Variants in ZBTB7C observed in about 807,000 individuals in gnomAD.
ZBTB7C encodes the protein zinc finger and BTB domain-containing protein 7C.
In ZBTB7C, 8 loss-of-function variants were observed where a neutral mutation model predicts 25.7. That is an observed-to-expected ratio of 0.31 (90% CI 0.18 to 0.56). The LOEUF is 0.56. Among genes scored for constraint, ZBTB7C ranks in the 20% least tolerant of loss-of-function variants. ZBTB7C has a pLI of 0.91. For synonymous variants in ZBTB7C, 394 were observed against 369.0 expected, an observed-to-expected ratio of 1.07 and a Z score of -0.78; for missense variants, 824 against 855.2, an observed-to-expected ratio of 0.96 and a Z score of 0.46.
intron 4 of ZBTB7C, among the ~76,000 whole-genome samples, chr18:48,032,433 T>G (rs1457332421): frequency 9.1e-5 from 11 of 121,270 alleles, no homozygotes; most frequent in African/African-American, 3.2e-4. Context: ...TTTTTTTTTT[T>G]TTTTTTTTTT....
intron 2 of ZBTB7C, among the ~76,000 whole-genome samples, chr18:48,248,714 C>T (rs1245988919): frequency 6.6e-6 from 1 of 151,874 alleles, no homozygotes; most frequent in African/African-American, 2.4e-5. Flanking sequence ...CCTGGTAACT[C>T]GATGTTGAAT....
intron 3 of ZBTB7C, among the ~76,000 whole-genome samples, chr18:48,043,234 G>C (rs567815713): frequency 3.9e-4 from 60 of 152,272 alleles, no homozygotes; most frequent in South Asian, 8.3e-4. Flanking sequence ...TTGAATTCTT[G>C]AGCATCTACC....
At chr18:48,326,334 G>A (rs2144882638) in intron 2 of ZBTB7C, among the ~76,000 whole-genome samples, 1 of 152,228 alleles carries the variant, frequency 6.6e-6, no homozygotes, top group South Asian at 2.1e-4. Flanking sequence ...GACCTCAAGT[G>A]ATCTGCCCGC....
intron 1 of ZBTB7C, among the ~76,000 whole-genome samples, chr18:48,382,446 T>C (rs934745454): frequency 6.6e-6 from 1 of 152,226 alleles, no homozygotes; most frequent in African/African-American, 2.4e-5. Flanking sequence ...TATTAATATA[T>C]AAATCTCTTT....
chr18:48,227,352 C>T (rs1175032802), intron 2 of ZBTB7C, among the ~76,000 whole-genome samples: 1 of 152,260 alleles, frequency 6.6e-6, no homozygotes, highest in African/African-American at 2.4e-5. Flanking sequence ...TGAATTCTCG[C>T]TCCATCCTTC....
chr18:48,108,574 C>T (rs893406941), intron 3 of ZBTB7C, among the ~76,000 whole-genome samples: 2 of 152,186 alleles, frequency 1.3e-5, no homozygotes, highest in South Asian at 2.1e-4. Context: ...GTTAGGACTA[C>T]AGGCATGTAC....
At position 48,397,321 on chromosome 18, in the gene ZBTB7C, A is replaced by G. The variant is rs184337420; in HGVS notation, c.-304+11905T>C. 2.6e-5 allele frequency among the ~76,000 whole-genome samples: 4 copies of G among 152,172 alleles called. No homozygotes were observed. In the East Asian group the frequency reaches 7.7e-4, roughly 29 times the overall value. ...TCCTGCTTCCTACACACACCTACAG[A>G]TTTCTTCACTGAGCTTGGCCCCCAT... On this transcript the variant is annotated intron_variant, in intron 1 of 4. Transcript: ENST00000590800.
chr18:48,030,236 G>A (rs2035686351), intron 4 of ZBTB7C, among the ~76,000 whole-genome samples: 1 of 152,230 alleles, frequency 6.6e-6, no homozygotes, highest in African/African-American at 2.4e-5. Context: ...TTCGCCAGAA[G>A]TCAGCATTTC....
intron 3 of ZBTB7C, among the ~76,000 whole-genome samples, chr18:48,176,381 A>C (rs2041678479): frequency 6.6e-6 from 1 of 152,238 alleles, no homozygotes; most frequent in South Asian, 2.1e-4. Context: ...GACACAACTA[A>C]ATGCAATATC....
At chr18:48,044,670 T>C (rs919220384) in intron 3 of ZBTB7C, among the ~76,000 whole-genome samples, 1 of 152,234 alleles carries the variant, frequency 6.6e-6, no homozygotes, top group Non-Finnish European at 1.5e-5. Flanking sequence ...CTGTCCCACC[T>C]CCTTGGCCCC....
At chr18:48,225,684 C>T (rs546896325) in intron 2 of ZBTB7C, among the ~76,000 whole-genome samples, 1 of 152,274 alleles carries the variant, frequency 6.6e-6, no homozygotes, top group South Asian at 2.1e-4. Flanking sequence ...CCCAGGGCTC[C>T]AGAGGTCTTG....
rs959516062 is a variant in ZBTB7C at position 48,318,247 on chromosome 18, A to G, written c.-79+19927T>C. ...AAACCTAAAAAAACAACCAAAAAAC[A>G]AACAAACCAAAACTCACTTCTGTTT... On this transcript the variant is annotated intron_variant, in intron 2 of 4. Coordinates refer to ENST00000590800, the MANE Select transcript of ZBTB7C (RefSeq NM_001318841.2). Among the ~76,000 whole-genome samples, 4 of 152,018 alleles carry G rather than the reference A, an allele frequency of 2.6e-5. No homozygotes were observed. The East Asian group carries it at 7.7e-4, about 29-fold the overall frequency.
At chr18:48,344,759 A>G (rs113312206) in intron 1 of ZBTB7C, among the ~76,000 whole-genome samples, 7 of 152,372 alleles carry the variant, frequency 4.6e-5, no homozygotes, top group African/African-American at 1.7e-4. Context: ...TACCAATTAT[A>G]TGGATACTAT....
rs1243429452 is a variant in ZBTB7C, at chr18:48,228,743, TCTCTCACA to T, written c.-78-42756_-78-42749del. On this transcript the variant is annotated intron_variant, in intron 2 of 4. Transcript: ENST00000590800. ...GTCTCTCTCTCTCTGTCTCTCTCTC[TCTCTCACA>T]CACACACACACACACACACACACTC... Among the ~76,000 whole-genome samples the T allele has an allele frequency of 7.4e-5, 10 of 135,930 alleles. No homozygotes were observed. The South Asian group carries it at 7.5e-4, about 10-fold the overall frequency. 89.2% of individuals were successfully genotyped at this position (135,930 alleles called of 152,430 possible).
chr18:48,251,268 AC>A (rs1293338024), intron 2 of ZBTB7C, among the ~76,000 whole-genome samples: 4 of 152,144 alleles, frequency 2.6e-5, no homozygotes, highest in South Asian at 2.1e-4. Context: ...AAATGTTTGA[AC>A]AAAACAAACA....
intron 2 of ZBTB7C, among the ~76,000 whole-genome samples, chr18:48,220,328 C>A (rs138968055): frequency 3.3e-5 from 5 of 152,302 alleles, no homozygotes; most frequent in African/African-American, 9.6e-5. Flanking sequence ...GCAGTGCCAG[C>A]GCTGGCACCT....
intron 2 of ZBTB7C, among the ~76,000 whole-genome samples, chr18:48,194,449 G>T (rs1475144724): frequency 6.6e-6 from 1 of 152,222 alleles, no homozygotes; most frequent in African/African-American, 2.4e-5. Flanking sequence ...TCATAGCTGG[G>T]GGGAGGTGTG....
At chr18:48,135,820 A>G (rs1162087401) in intron 3 of ZBTB7C, among the ~76,000 whole-genome samples, 2 of 152,102 alleles carry the variant, frequency 1.3e-5, no homozygotes, top group Non-Finnish European at 2.9e-5. Context: ...CTTCCTTTCT[A>G]TTTTCAAAAT....
At chr18:48,348,785 C>G (rs7236342) in intron 1 of ZBTB7C, among the ~76,000 whole-genome samples, 80,003 of 152,162 alleles carry the variant, frequency 0.53, 21,447 homozygotes, top group African/African-American at 0.61. Flanking sequence ...CCACTGCACT[C>G]CAGCCTGGGT....
Sources: allele counts gnomAD v4.1 joint callset (sites outside exome capture counted in the v4.1 genomes callset), GRCh38; gene constraint gnomAD v4.1.1; transcripts MANE v1.5; gene names NCBI Gene and HGNC (gene_info 2026-07-23, HGNC 2026-07-21).